PIGQ: variants seen among roughly 807,000 people sequenced by gnomAD.
The protein encoded by PIGQ is phosphatidylinositol glycan anchor biosynthesis class Q.
Under a neutral mutation model 60.3 loss-of-function variants are expected in PIGQ, and 54 were observed. The ratio of observed to expected loss-of-function variants is 0.90; its 90% confidence interval spans 0.72 to 1.12. The LOEUF (loss-of-function observed/expected upper bound fraction) is 1.12, where lower values mean the gene tolerates loss of function less well. Ranked by LOEUF, PIGQ falls within the 50% of genes most tolerant of loss-of-function variation. PIGQ has a pLI of 0.00. For synonymous variants in PIGQ, 416 were observed against 363.7 expected (o/e 1.14, Z -1.64); for missense variants, 799 against 793.5 (o/e 1.01, Z -0.08).
Position 574,449 on chromosome 16 carries a change from G to A in PIGQ, c.375G>A (p.Gln125=), listed in dbSNP as rs1288490507. ...CCCCCGGTGCCCCTGGTGAGGACCA[G>A]GTCATGCTCATCTTCTATGACCAGC... ...PTAPGAPGED[Q]VMLIFYDQRQ... is the part of the protein sequence containing the mutation. Residue 125 remains glutamine (Q), a synonymous_variant, in exon 2 of 11, where the codon CAG becomes CAA. Coordinates refer to ENST00000321878, the MANE Select transcript of PIGQ (RefSeq NM_004204.5). 2.5e-6 allele frequency: 4 copies of A among 1,610,966 alleles called. No individual in the cohort carries two copies. Among genetic ancestry groups the A allele is most frequent in the Non-Finnish European group, 3.4e-6 (4 of 1,179,254 alleles).
chr16:579,831 G>A (rs1175607014), intron 7 of PIGQ: 5 of 162,394 alleles, frequency 3.1e-5, no homozygotes, highest in Admixed American at 6.5e-5. Context: ...CCCCGGGCCC[G>A]GAGACTAGAG....
In PIGQ at chr16:583,221, T is replaced by C. The variant is rs780600427; in HGVS notation, c.*186T>C. On this transcript the variant is annotated 3_prime_UTR_variant, in exon 11 of 11. Transcript: ENST00000321878. ...CATTGGGAGTGAGCAGATGTGGGGG[T>C]GGCCAGCCAGGCTGGCCGCACTCCA... 2 of 1,613,020 alleles carry C rather than the reference T, an allele frequency of 1.2e-6. No individual in the cohort carries two copies. The highest frequency in any genetic ancestry group is 2.2e-5 in the South Asian group (2 of 91,088).
rs1386947210 is a variant in PIGQ at position 579,178 on chromosome 16, C to T, written c.1333C>T (p.Gln445Ter). Residue 445 changes from glutamine to a stop codon, truncating the protein, a stop_gained and splice_region_variant, in exon 7 of 11, where the codon CAG becomes TAG. Coordinates refer to ENST00000321878, the MANE Select transcript of PIGQ (RefSeq NM_004204.5). LOFTEE classifies it high-confidence loss of function. ...GGACTCCTGTTCCTATGACCTGGAC[C>T]AGGTATGGGGCAGGGTTCGTGGCTG... ...RVDSCSYDLD[Q>*]LFIGTLLFTI... is the part of the protein sequence containing the mutation. The T allele has an allele frequency of 1.9e-6, 3 of 1,610,866 alleles. No homozygotes were observed. The highest frequency in any genetic ancestry group is 2.7e-5 in the African/African-American group (2 of 74,872).
intron 1 of PIGQ, among the ~76,000 whole-genome samples, chr16:572,070 T>G (rs2035639965): frequency 6.6e-6 from 1 of 152,150 alleles, no homozygotes; most frequent in Admixed American, 6.5e-5. Flanking sequence ...TCCGACGATA[T>G]CTGTGGGCAG....
At chr16:575,390 A>AT (rs2035700507) in intron 2 of PIGQ, among the ~76,000 whole-genome samples, 1 of 152,146 alleles carries the variant, frequency 6.6e-6, no homozygotes, top group Non-Finnish European at 1.5e-5. Context: ...GAGGTGCCCC[A>AT]TGGGGAGCAG....
intron 2 of PIGQ, 58 bp from the exon 3 acceptor site, chr16:575,781 G>A: frequency 6.6e-7 from 1 of 1,525,000 alleles, no homozygotes; most frequent in African/African-American, 1.4e-5. Context: ...TGCACAGTGG[G>A]GGACGGTGGG....
Position 574,054 on chromosome 16 carries a change from C to G in PIGQ, c.-9-12C>G. On this transcript the variant is annotated splice_polypyrimidine_tract_variant and intron_variant, in intron 1 of 10. Coordinates refer to ENST00000321878, the MANE Select transcript of PIGQ (RefSeq NM_004204.5). ...AGCAGCTCTGAGCCGAGCCTCTCCT[C>G]TTCTCTTCCAGCCTCCCGGCATGGT... is the stretch of plus-strand genomic sequence containing the variant. 1 of 1,570,814 alleles carries G rather than the reference C, an allele frequency of 6.4e-7. No individual in the cohort carries two copies. The highest frequency in any genetic ancestry group is 8.6e-7 in the Non-Finnish European group (1 of 1,156,754).
chr16:582,253 G>A lies in PIGQ; in HGVS notation c.1537G>A (p.Val513Met), dbSNP rs200922564. Reference protein sequence around the residue: ...LCRPYRLAAGVKFRVLRHEAG... With the variant: ...LCRPYRLAAGMKFRVLRHEAG... ...GCCGCTTGCTATCCTTGCAGCTGGC[G>A]TGAAGTTCCGTGTCCTCCGGCACGA... Residue 513 changes from valine (V) to methionine (M), a missense_variant, in exon 10 of 11, where the codon GTG becomes ATG. Physicochemically the swap from Val to Met is conservative, Grantham distance 21. Transcript: ENST00000321878. The A allele has an allele frequency of 3.0e-5, 48 of 1,604,876 alleles. No homozygotes were observed. Among genetic ancestry groups the A allele is most frequent in the South Asian group, 2.9e-4 (26 of 89,902 alleles).
chr16:580,977 G>A lies in PIGQ; in HGVS notation c.1531+5G>A, dbSNP rs2035801003. 6.9e-6 allele frequency: 11 copies of A among 1,587,464 alleles called. No homozygotes were observed. The highest frequency in any genetic ancestry group is 9.5e-6 in the Non-Finnish European group (11 of 1,157,502). ...GCCGGCCCTACAGGCTGGCGGGTAA[G>A]TGCTGCGTATTGGGCAGCTGGCCCT... On this transcript the variant is annotated splice_donor_5th_base_variant and intron_variant, in intron 9 of 10. Transcript: ENST00000321878.
At position 583,041 on chromosome 16, in the gene PIGQ, C is replaced by T; in HGVS notation, c.*6C>T. The T allele has an allele frequency of 1.2e-6, 2 of 1,613,068 alleles. No homozygotes were observed. Among genetic ancestry groups the T allele is most frequent in the Non-Finnish European group, 1.7e-6 (2 of 1,179,988 alleles). On this transcript the variant is annotated 3_prime_UTR_variant, in exon 11 of 11. Coordinates refer to ENST00000321878, the MANE Select transcript of PIGQ (RefSeq NM_004204.5). ...GAGGGGACAAGCAGGACTGAGGGAACTGCTGGCTCGCCTGGCACCACCACA... is the reference window on the plus strand; with the variant it reads ...GAGGGGACAAGCAGGACTGAGGGAATTGCTGGCTCGCCTGGCACCACCACA...
intron 9 of PIGQ, chr16:582,040 G>A (rs1393555999): frequency 4.6e-6 from 3 of 652,594 alleles, no homozygotes; most frequent in Admixed American, 2.2e-5. Context: ...ACAGGCGTGA[G>A]CCACCGTGCC....
In PIGQ at chr16:571,488, C is replaced by CTGTGTGTGTGTG. The variant is rs71299924; in HGVS notation, c.-10+1414_-10+1425dup. Among the ~76,000 whole-genome samples, 308 of 61,804 alleles carry CTGTGTGTGTGTG rather than the reference C, an allele frequency of 5.0e-3. 7 individuals carry two copies. The highest frequency in any genetic ancestry group is 7.0e-3 in the East Asian group (12 of 1,704). The allele number at this position is 61,804 out of a possible 152,430, so 40.5% of individuals were successfully genotyped here. ...GCTAGCCTGTGTGTGTCTGGTTAGC[C>CTGTGTGTGTGTG]TGTGTGTGTGTGTGTGTGTGTGTGT... On this transcript the variant is annotated intron_variant, in intron 1 of 10. Transcript: ENST00000321878.
At position 575,961 on chromosome 16, in the gene PIGQ, A is replaced by T; in HGVS notation, c.812A>T (p.Gln271Leu). The T allele has an allele frequency of 6.3e-7, 1 of 1,584,446 alleles. No individual in the cohort carries two copies. The highest frequency in any genetic ancestry group is 8.6e-7 in the Non-Finnish European group (1 of 1,165,772). Residue 271 changes from glutamine to leucine, a missense_variant, in exon 3 of 11, where the codon CAG (glutamine) becomes CTG (leucine). Physicochemically the swap from Gln to Leu is moderately radical, Grantham distance 113. Coordinates refer to ENST00000321878, the MANE Select transcript of PIGQ (RefSeq NM_004204.5). ...FSTRKAENPA[Q>L]LMRKANTVAS... ...ACACGGAAGGCGGAGAACCCTGCCC[A>T]GCTGATGAGGTGTGGGCCTGCCCTG...
Position 583,337 on chromosome 16 carries a change from C to T in PIGQ, c.*302C>T, listed in dbSNP as rs749257282. ...GCAACCCCAGGTGTCCAGAGCACTG[C>T]CCCATGCCCACCCTGTGTACCCAGG... On this transcript the variant is annotated 3_prime_UTR_variant, in exon 11 of 11. Coordinates refer to ENST00000321878, the MANE Select transcript of PIGQ (RefSeq NM_004204.5). 117 of 1,612,444 alleles carry T rather than the reference C, an allele frequency of 7.3e-5. No individual in the cohort carries two copies. The South Asian group carries it at 1.0e-3, about 14-fold the overall frequency.
rs1342777731 is a variant in PIGQ, at chr16:580,276, C to G, written c.1416+13C>G. On this transcript the variant is annotated intron_variant, in intron 8 of 10. Transcript: ENST00000321878. The stretch of plus-strand genomic sequence containing the variant: ...GGTGTTCACCCTGGTGAGCTGAGCA[C>G]CCACAGGCTGGGCCTGGCTGCAGTG... The G allele has an allele frequency of 6.3e-7, 1 of 1,595,590 alleles. No homozygotes were observed. Among genetic ancestry groups the G allele is most frequent in the South Asian group, 1.1e-5 (1 of 89,706 alleles).
At chr16:572,258 C>T (rs918303512) in intron 1 of PIGQ, among the ~76,000 whole-genome samples, 5 of 152,216 alleles carry the variant, frequency 3.3e-5, no homozygotes, top group South Asian at 2.1e-4. Context: ...TGGTGCCTCA[C>T]GTCAGCTGGC....
intron 4 of PIGQ, among the ~76,000 whole-genome samples, chr16:577,480 G>C (rs1220623508): frequency 6.6e-6 from 1 of 151,804 alleles, no homozygotes; most frequent in East Asian, 1.9e-4. Context: ...GGGAGGCTGA[G>C]GCAAGAGAAT....
At chr16:577,323 A>G (rs1310360140) in intron 4 of PIGQ, 3 of 152,174 alleles carry the variant, frequency 2.0e-5, no homozygotes, top group Non-Finnish European at 4.4e-5. Flanking sequence ...CATGCCTGTA[A>G]TCCCAGCACT....
intron 8 of PIGQ, chr16:580,608 C>T (rs550704169): frequency 5.5e-5 from 31 of 562,374 alleles, no homozygotes; most frequent in East Asian, 2.3e-4. Flanking sequence ...TCCCAGGCCT[C>T]GATCCCCTCT....
Sources: gnomAD v4.1 joint callset for allele counts (sites outside exome capture counted in the v4.1 genomes callset) on GRCh38, gnomAD v4.1.1 for gene constraint, MANE v1.5 for transcripts, NCBI Gene and HGNC (gene_info 2026-07-23, HGNC 2026-07-21) for gene names.